Variants in CREB5 observed in about 807,000 individuals in gnomAD.
CREB5 encodes the protein cyclic AMP-responsive element-binding protein 5.
CREB5 carries 19 observed loss-of-function variants against 57.1 expected under a neutral mutation model. The observed-to-expected ratio is 0.33, with a 90% CI of 0.23 to 0.49. The LOEUF is 0.49. Among genes scored for constraint, CREB5 ranks in the 20% least tolerant of loss-of-function variants. The pLI, the probability that CREB5 is intolerant of heterozygous loss-of-function variation, is 0.99. For missense variants in CREB5, 579 were observed against 671.6 expected (o/e 0.86, Z 1.52); for synonymous variants, 238 against 238.3 (o/e 1.00, Z 0.01).
At chr7:28,714,318 A>G (rs780510490) in intron 5 of CREB5, among the ~76,000 whole-genome samples, 6 of 152,132 alleles carry the variant, frequency 3.9e-5, no homozygotes, top group Non-Finnish European at 7.4e-5. Context: ...ATATCTTCCC[A>G]TCTTCTAACC....
intron 3 of CREB5, among the ~76,000 whole-genome samples, chr7:28,501,555 C>A (rs963125004): frequency 1.3e-5 from 2 of 152,084 alleles, no homozygotes; most frequent in African/African-American, 4.8e-5. Context: ...GAAACCAGTC[C>A]CCTTTGACTA....
chr7:28,815,289 A>C (rs1272360842), intron 9 of CREB5, among the ~76,000 whole-genome samples: 2 of 152,210 alleles, frequency 1.3e-5, no homozygotes, highest in Admixed American at 1.3e-4. Context: ...AATAAAAAAG[A>C]AAAAAAGAAT....
chr7:28,749,971 C>A lies in CREB5; in HGVS notation c.702+25639C>A, dbSNP rs146917450. Among the ~76,000 whole-genome samples the A allele has an allele frequency of 3.6e-4, 54 of 151,886 alleles. 1 individual carries two copies. In the East Asian group the frequency reaches 9.3e-3, roughly 26 times the overall value. On this transcript the variant is annotated intron_variant, in intron 7 of 10. Transcript: ENST00000357727. Reference sequence around the variant, plus strand: ...GCATTATATAAAAAGCTCACTATATCTTTTCTAGATATAATATTAGACTGC... The same window carrying A: ...GCATTATATAAAAAGCTCACTATATATTTTCTAGATATAATATTAGACTGC...
rs146912230 is a variant in CREB5 at position 28,361,772 on chromosome 7, T to C, written c.-25+62331T>C. On this transcript the variant is annotated intron_variant, in intron 1 of 9. Transcript: ENST00000396299. ...GCAGCCAAAACTCTTGACTGATCAC[T>C]TGCCCACCAATGACCCAATGCATAG... Among the ~76,000 whole-genome samples the C allele has an allele frequency of 1.8e-3, 272 of 152,292 alleles. 1 individual carries two copies. Among genetic ancestry groups the C allele is most frequent in the African/African-American group, 6.2e-3 (258 of 41,578 alleles).
At chr7:28,519,294 G>A (rs1182980569) in intron 4 of CREB5, among the ~76,000 whole-genome samples, 3 of 152,124 alleles carry the variant, frequency 2.0e-5, no homozygotes, top group Admixed American at 6.5e-5. Flanking sequence ...ACATACATGT[G>A]TATATGTTTT....
intron 5 of CREB5, among the ~76,000 whole-genome samples, chr7:28,676,825 G>A (rs976501903): frequency 3.3e-5 from 5 of 152,080 alleles, no homozygotes; most frequent in African/African-American, 4.8e-5. Flanking sequence ...GTCACTTTAG[G>A]AGACTAGGAA....
intron 9 of CREB5, among the ~76,000 whole-genome samples, chr7:28,816,794 C>T (rs942686388): frequency 5.9e-5 from 9 of 152,164 alleles, no homozygotes; most frequent in African/African-American, 1.2e-4. Flanking sequence ...CAATGTTAAT[C>T]GTCCTTTTCG....
rs1019779591 is a variant in CREB5 at position 28,476,928 on chromosome 7, G to A, written c.4-11247G>A. On this transcript the variant is annotated intron_variant, in intron 1 of 10. Coordinates refer to ENST00000357727, the MANE Select transcript of CREB5 (RefSeq NM_182898.4). ...AGTACTTTATGGCCATTAAAATTCT[G>A]CTTTTCCACCATAGACATCTGGGTA... Among the ~76,000 whole-genome samples, 4 of 152,192 alleles carry A rather than the reference G, an allele frequency of 2.6e-5. No homozygotes were observed. The East Asian group carries it at 7.7e-4, about 29-fold the overall frequency.
intron 4 of CREB5, among the ~76,000 whole-genome samples, chr7:28,522,529 G>T (rs1399831435): frequency 4.6e-5 from 7 of 151,762 alleles, no homozygotes; most frequent in African/African-American, 1.7e-4. Flanking sequence ...CCAAGTAGCT[G>T]GGATTATAGG....
chr7:28,657,408 C>T (rs976360523), intron 5 of CREB5, among the ~76,000 whole-genome samples: 1 of 152,162 alleles, frequency 6.6e-6, no homozygotes. Flanking sequence ...ACCACCCCCA[C>T]CACCATATCC....
chr7:28,775,239 T>G (rs1806552823), intron 7 of CREB5, among the ~76,000 whole-genome samples: 1 of 152,144 alleles, frequency 6.6e-6, no homozygotes, highest in Admixed American at 6.5e-5. Context: ...GCTTCCTCTC[T>G]GCCTGTTGAA....
intron 1 of CREB5, among the ~76,000 whole-genome samples, chr7:28,356,370 T>G (rs930441715): frequency 6.6e-6 from 1 of 152,238 alleles, no homozygotes; most frequent in African/African-American, 2.4e-5. Context: ...TGGGTTTGTG[T>G]GAAACACCCT....
In CREB5 at chr7:28,809,256, C is replaced by T. The variant is rs1808948832; in HGVS notation, c.1096C>T (p.Arg366Trp). 1 of 1,614,038 alleles carries T rather than the reference C, an allele frequency of 6.2e-7. No homozygotes were observed. The highest frequency in any genetic ancestry group is 8.5e-7 in the Non-Finnish European group (1 of 1,180,042). Residue 366 changes from arginine to tryptophan, a missense_variant, in exon 9 of 11, where the codon CGG (arginine) becomes TGG (tryptophan). Transcript: ENST00000357727. The stretch of plus-strand genomic sequence containing the variant: ...GCCACCCCAGCCCACAGGGGGGCGC[C>T]GGCGAAGGGTGGTAGACGAGGATCC... ...IQPPQPTGGRRRRVVDEDPDE... is the reference protein window; with the variant it reads ...IQPPQPTGGRWRRVVDEDPDE...
At chr7:28,310,841 C>T (rs898639471) in intron 1 of CREB5, among the ~76,000 whole-genome samples, 2 of 152,162 alleles carry the variant, frequency 1.3e-5, no homozygotes, top group Admixed American at 1.3e-4. Flanking sequence ...TTATTACACT[C>T]GATGAACAGA....
At chr7:28,584,838 G>A (rs191635564) in intron 5 of CREB5, among the ~76,000 whole-genome samples, 1 of 151,678 alleles carries the variant, frequency 6.6e-6, no homozygotes, top group Non-Finnish European at 1.5e-5. Context: ...CAGATGTGGG[G>A]GATAAATACA....
chr7:28,494,648 T>C lies in CREB5; in HGVS notation c.76-258T>C, dbSNP rs80342595. Among the ~76,000 whole-genome samples, 342 of 152,316 alleles carry C rather than the reference T, an allele frequency of 2.2e-3. 3 individuals are homozygous for C. The highest frequency in any genetic ancestry group is 7.9e-3 in the African/African-American group (330 of 41,588). ...TTTCTGCAATTGTAGTTAACCCCTTTGGTAAACTTTAATGAAAATTAGAAT... is the reference window on the plus strand; with the variant it reads ...TTTCTGCAATTGTAGTTAACCCCTTCGGTAAACTTTAATGAAAATTAGAAT... On this transcript the variant is annotated intron_variant, in intron 2 of 10. Transcript: ENST00000357727.
At chr7:28,423,670 T>C (rs113265463) in intron 1 of CREB5, among the ~76,000 whole-genome samples, 8 of 152,124 alleles carry the variant, frequency 5.3e-5, no homozygotes, top group African/African-American at 1.9e-4. Context: ...AATTGGGGGA[T>C]GGATTCTGGC....
intron 3 of CREB5, among the ~76,000 whole-genome samples, chr7:28,504,866 C>T (rs183373581): frequency 2.0e-5 from 3 of 152,062 alleles, no homozygotes; most frequent in South Asian, 2.1e-4. Flanking sequence ...TCCTTTGCAA[C>T]GTTTGTCATA....
At chr7:28,388,966 T>G (rs1474293695) in intron 1 of CREB5, among the ~76,000 whole-genome samples, 1 of 152,182 alleles carries the variant, frequency 6.6e-6, no homozygotes, top group African/African-American at 2.4e-5. Flanking sequence ...GTGTAGAAAA[T>G]TTAGTTGTAA....
Sources: gnomAD v4.1 joint callset for allele counts (sites outside exome capture counted in the v4.1 genomes callset) on GRCh38, gnomAD v4.1.1 for gene constraint, MANE v1.5 for transcripts, NCBI Gene and HGNC (gene_info 2026-07-23, HGNC 2026-07-21) for gene names.